FSD1L: variants seen among roughly 807,000 people sequenced by gnomAD.
The protein encoded by FSD1L is FSD1-like protein.
A neutral mutation model predicts 71.6 loss-of-function variants in FSD1L; 45 were observed. The ratio of observed to expected loss-of-function variants is 0.63; its 90% CI spans 0.49 to 0.81. The LOEUF is 0.81. Ranked by LOEUF, FSD1L falls within the 30% of genes least tolerant of loss-of-function variation. The pLI is 0.00. For missense variants in FSD1L, 561 were observed against 618.1 expected (o/e 0.91, Z 0.98); for synonymous variants, 197 against 207.2 (o/e 0.95, Z 0.42).
At chr9:105,510,905 C>A (rs748670800) in intron 9 of FSD1L, among the ~76,000 whole-genome samples, 3 of 151,786 alleles carry the variant, frequency 2.0e-5, no homozygotes, top group Admixed American at 2.0e-4. Context: ...TTTGTTTTCA[C>A]AGACTATTAA....
chr9:105,468,573 C>T (rs1831226894), intron 4 of FSD1L, among the ~76,000 whole-genome samples: 1 of 150,848 alleles, frequency 6.6e-6, no homozygotes, highest in Non-Finnish European at 1.5e-5. Flanking sequence ...TGGTTCATTG[C>T]AACCTCTGCC....
intron 7 of FSD1L, among the ~76,000 whole-genome samples, chr9:105,492,237 G>A (rs1208700455): frequency 6.6e-6 from 1 of 152,138 alleles, no homozygotes; most frequent in African/African-American, 2.4e-5. Flanking sequence ...GAGGGTGTAT[G>A]TGTCGAGGAA....
chr9:105,461,310 G>C (rs1830679194), intron 1 of FSD1L, among the ~76,000 whole-genome samples: 1 of 151,724 alleles, frequency 6.6e-6, no homozygotes, highest in Non-Finnish European at 1.5e-5. Context: ...TTTGAATTGA[G>C]ATATGCATAA....
rs1163263290 is a variant in FSD1L, at chr9:105,547,519, A to G, written c.*1036A>G. 2 of 152,046 alleles carry G rather than the reference A, an allele frequency of 1.3e-5. No homozygotes were observed. The highest frequency in any genetic ancestry group is 2.9e-5 in the Non-Finnish European group (2 of 67,914). 9.4% of individuals were successfully genotyped at this position (152,046 alleles called of 1,614,324 possible). Reference sequence around the variant, plus strand: ...TGGAATGCTTTAAGCAATTGTTTTGAAAAAAATCTGCGTATCTTTGACTTA... The same window carrying G: ...TGGAATGCTTTAAGCAATTGTTTTGGAAAAAATCTGCGTATCTTTGACTTA... On this transcript the variant is annotated 3_prime_UTR_variant, in exon 14 of 14. Transcript: ENST00000481272.
chr9:105,535,020 C>T (rs1212103175), intron 11 of FSD1L, 47 bp from the exon 12 acceptor site: 2 of 1,544,332 alleles, frequency 1.3e-6, no homozygotes, highest in Non-Finnish European at 1.8e-6. Flanking sequence ...AACTGTGTGA[C>T]TCATAAGGAA....
chr9:105,502,819 A>G (rs555425602), intron 7 of FSD1L, among the ~76,000 whole-genome samples: 186 of 151,798 alleles, frequency 1.2e-3, no homozygotes, highest in Non-Finnish European at 1.0e-3. Flanking sequence ...AAAATGAGGT[A>G]TGATTAAAAA....
intron 7 of FSD1L, among the ~76,000 whole-genome samples, chr9:105,504,973 T>C (rs1833965351): frequency 6.6e-6 from 1 of 152,372 alleles, no homozygotes; most frequent in Non-Finnish European, 1.5e-5. Flanking sequence ...TCCCCTGTTA[T>C]TACTATTCTG....
In FSD1L at chr9:105,522,049, A is replaced by G. The variant is rs979010595; in HGVS notation, c.1025+9113A>G. ...GAATCTGTACTGAAGATGCCATCAC[A>G]AGCTTTTCTACAGTTCCAAGGGAAA... On this transcript the variant is annotated intron_variant, in intron 10 of 13. Transcript: ENST00000481272. 105 of 1,612,922 alleles carry G rather than the reference A, an allele frequency of 6.5e-5. No individual in the cohort carries two copies. The African/African-American group carries it at 1.0e-3, about 15-fold the overall frequency.
chr9:105,451,873 T>C (rs1189992080), intron 1 of FSD1L, among the ~76,000 whole-genome samples: 1 of 152,148 alleles, frequency 6.6e-6, no homozygotes, highest in Non-Finnish European at 1.5e-5. Flanking sequence ...ATTATTCACA[T>C]ACATAGGGAT....
intron 10 of FSD1L, among the ~76,000 whole-genome samples, chr9:105,514,480 T>C (rs1318786799): frequency 5.9e-5 from 9 of 152,206 alleles, no homozygotes; most frequent in Non-Finnish European, 1.2e-4. Context: ...CTGTCTCTGC[T>C]TTCAAGAAAT....
At chr9:105,506,737 A>G (rs1834072469) in intron 8 of FSD1L, 129 bp downstream of exon 8, 1 of 623,492 alleles carries the variant, frequency 1.6e-6, no homozygotes, top group Non-Finnish European at 2.7e-6. Flanking sequence ...GATACTCAGT[A>G]TGGAAGTGAT....
chr9:105,509,075 A>C (rs1021764590), intron 9 of FSD1L, among the ~76,000 whole-genome samples: 3 of 152,228 alleles, frequency 2.0e-5, no homozygotes, highest in Non-Finnish European at 4.4e-5. Context: ...GTATCTGTTT[A>C]GTTCAGGTCC....
chr9:105,545,518 G>A (rs1448630209), intron 13 of FSD1L, among the ~76,000 whole-genome samples: 1 of 150,370 alleles, frequency 6.7e-6, no homozygotes, highest in Non-Finnish European at 1.5e-5. Context: ...CAAAGTGAAT[G>A]CTTCCAGTTT....
chr9:105,526,334 A>G (rs1040639542), intron 10 of FSD1L: 38 of 1,611,768 alleles, frequency 2.4e-5, no homozygotes, highest in South Asian at 1.6e-4. Flanking sequence ...CCCTACCACC[A>G]TTTACCATCT....
chr9:105,448,959 G>A (rs1358913940), intron 1 of FSD1L, among the ~76,000 whole-genome samples: 2 of 152,204 alleles, frequency 1.3e-5, no homozygotes, highest in Non-Finnish European at 2.9e-5. Context: ...GGAGAACAAA[G>A]CCAATGTCTT....
upstream of FSD1L, among the ~76,000 whole-genome samples, chr9:105,442,798 T>C (rs1451741046): frequency 6.6e-6 from 1 of 152,228 alleles, no homozygotes; most frequent in African/African-American, 2.4e-5. Flanking sequence ...CCTGCACTAA[T>C]GGGGATCTCA....
In FSD1L at chr9:105,548,398, ATGC is replaced by A. The variant is rs1371415430; in HGVS notation, c.*1918_*1920del. 1 of 152,554 alleles carries A rather than the reference ATGC, an allele frequency of 6.6e-6. No homozygotes were observed. Among genetic ancestry groups the A allele is most frequent in the African/African-American group, 2.4e-5 (1 of 41,444 alleles). 9.5% of individuals were successfully genotyped at this position (152,554 alleles called of 1,614,324 possible). A position where few individuals can be genotyped will look rare whatever the true frequency, so the allele number is the denominator to read the frequency against. ...ACAAATATGACACAGAAAAGGTCAG[ATGC>A]TGTTGTATAAAATTTTTTACTAGTG... On this transcript the variant is annotated 3_prime_UTR_variant, in exon 14 of 14. Transcript: ENST00000481272.
At position 105,552,377 on chromosome 9, in the gene FSD1L, C is replaced by T. The variant is rs1470089671; in HGVS notation, c.*5894C>T. 6.6e-6 allele frequency: 1 copy of T among 151,828 alleles called. No individual in the cohort carries two copies. The highest frequency in any genetic ancestry group is 1.5e-5 in the Non-Finnish European group (1 of 67,942). 9.4% of individuals were successfully genotyped at this position (151,828 alleles called of 1,614,324 possible). On this transcript the variant is annotated 3_prime_UTR_variant, in exon 14 of 14. Transcript: ENST00000481272. ...GATTTTGTGTTCTATATAGAATGTC[C>T]CAGTTAAGATTTTACAGAAGCACCT...
intron 7 of FSD1L, among the ~76,000 whole-genome samples, chr9:105,496,493 A>G (rs1339728528): frequency 3.9e-5 from 6 of 152,240 alleles, no homozygotes; most frequent in Admixed American, 1.3e-4. Flanking sequence ...AAGAACTGAC[A>G]TCTTAAGAAC....
Sources: gnomAD v4.1 joint callset for allele counts (sites outside exome capture counted in the v4.1 genomes callset) on GRCh38, gnomAD v4.1.1 for gene constraint, MANE v1.5 for transcripts, NCBI Gene and HGNC (gene_info 2026-07-23, HGNC 2026-07-21) for gene names.